SLC25A27: variants seen among roughly 807,000 people sequenced by gnomAD.
SLC25A27 encodes the protein solute carrier family 25 member 27, also known as mitochondrial uncoupling protein 4.
In SLC25A27, 35 loss-of-function variants were observed where a neutral mutation model predicts 49.1. The ratio of observed to expected loss-of-function variants is 0.71; its 90% CI spans 0.54 to 0.95. The LOEUF (loss-of-function observed/expected upper bound fraction) is 0.95, where lower values mean the gene tolerates loss of function less well. Among genes scored for constraint, SLC25A27 ranks in the 40% least tolerant of loss-of-function variants. The pLI, the probability that SLC25A27 is intolerant of heterozygous loss-of-function variation, is 0.00. For synonymous variants in SLC25A27, 144 were observed against 136.9 expected (o/e 1.05, Z -0.36); for missense variants, 339 against 397.1 (o/e 0.85, Z 1.24).
rs975474543 is a variant in SLC25A27, at chr6:46,670,393, A to G, written c.797+166A>G. 4 of 575,626 alleles carry G rather than the reference A, an allele frequency of 6.9e-6. No homozygotes were observed. The African/African-American group carries it at 7.7e-5, about 11-fold the overall frequency. The allele number at this position is 575,626 out of a possible 1,614,324, so 35.7% of individuals were successfully genotyped here. A position where few individuals can be genotyped will look rare whatever the true frequency, so the allele number is the denominator to read the frequency against. Reference sequence around the variant, plus strand: ...TTACCTGCTCTTTGATGAAAAAGTGACATGCATTTGGGGAGATAAGCTAAT... The same window carrying G: ...TTACCTGCTCTTTGATGAAAAAGTGGCATGCATTTGGGGAGATAAGCTAAT... On this transcript the variant is annotated intron_variant, in intron 7 of 8. Transcript: ENST00000371347.
Position 46,665,840 on chromosome 6 carries a change from G to A in SLC25A27, c.619+954G>A, listed in dbSNP as rs112681240. On this transcript the variant is annotated intron_variant, in intron 5 of 8. Coordinates refer to ENST00000371347, the MANE Select transcript of SLC25A27 (RefSeq NM_004277.5). ...CTCTTCCATCCTCAAATGTGTACCC[G>A]GTATCCAGAGTGATTTATTTGAAAC... Among the ~76,000 whole-genome samples, 458 of 152,134 alleles carry A rather than the reference G, an allele frequency of 3.0e-3. 1 individual carries two copies. Among genetic ancestry groups the A allele is most frequent in the African/African-American group, 0.01 (429 of 41,500 alleles).
At chr6:46,654,802 C>CT (rs1296533677) in intron 1 of SLC25A27, among the ~76,000 whole-genome samples, 5 of 152,218 alleles carry the variant, frequency 3.3e-5, no homozygotes, top group Non-Finnish European at 5.9e-5. Context: ...AAGATACTAA[C>CT]TTTTCCAAAA....
rs1030147918 is a variant in SLC25A27, at chr6:46,676,580, T to A, written c.*126T>A. ...CACCTATTCCACAGAGACTGATTTA[T>A]AGGGGGCAGCACTTTATTTTTTTCT... On this transcript the variant is annotated 3_prime_UTR_variant, in exon 9 of 9. Transcript: ENST00000371347. The A allele has an allele frequency of 6.4e-6, 10 of 1,574,302 alleles. No homozygotes were observed. The highest frequency in any genetic ancestry group is 1.9e-5 in the Admixed American group (1 of 54,004).
intron 6 of SLC25A27, among the ~76,000 whole-genome samples, chr6:46,669,642 G>A (rs1396546852): frequency 3.9e-5 from 6 of 152,162 alleles, no homozygotes; most frequent in East Asian, 3.9e-4. Context: ...TTACTGACTC[G>A]GCTTTTGCAT....
intron 5 of SLC25A27, 82 bp downstream of exon 5, chr6:46,664,968 A>T: frequency 1.6e-6 from 1 of 616,656 alleles, no homozygotes. Flanking sequence ...ATTAAAATTT[A>T]TGTTTTATTT....
intron 8 of SLC25A27, among the ~76,000 whole-genome samples, chr6:46,673,140 G>A (rs1320343619): frequency 6.6e-6 from 1 of 152,168 alleles, no homozygotes; most frequent in African/African-American, 2.4e-5. Flanking sequence ...ATGAGATGTA[G>A]AAGTTAAACA....
intron 5 of SLC25A27, among the ~76,000 whole-genome samples, 169 bp from the exon 6 acceptor site, chr6:46,668,540 C>T (rs1292135649): frequency 1.3e-5 from 2 of 152,188 alleles, no homozygotes; most frequent in Non-Finnish European, 2.9e-5. Context: ...CTTTCTGTCT[C>T]TTCTTCTTTT....
intron 1 of SLC25A27, chr6:46,654,209 G>T (rs1311425458): frequency 6.3e-6 from 5 of 796,270 alleles, no homozygotes; most frequent in African/African-American, 1.9e-5. Flanking sequence ...ACATTTTCTT[G>T]CCTGTTACAA....
At chr6:46,669,130 G>A (rs1157619913) in intron 6 of SLC25A27, among the ~76,000 whole-genome samples, 1 of 152,090 alleles carries the variant, frequency 6.6e-6, no homozygotes, top group African/African-American at 2.4e-5. Flanking sequence ...GCTCTGCAGT[G>A]GGCACCAAAG....
At chr6:46,658,475 TCTC>T (rs779942610) in intron 2 of SLC25A27, 1 of 444,262 alleles carries the variant, frequency 2.3e-6, no homozygotes. Flanking sequence ...TACAATAAAT[TCTC>T]CAATGAAATT....
At position 46,664,842 on chromosome 6, in the gene SLC25A27, G is replaced by C; in HGVS notation, c.575G>C (p.Gly192Ala). 1 of 1,607,892 alleles carries C rather than the reference G, an allele frequency of 6.2e-7. No homozygotes were observed. The highest frequency in any genetic ancestry group is 8.5e-7 in the Non-Finnish European group (1 of 1,176,660). The change falls in exon 5 of 9, where the codon GGC becomes GCC. Residue 192 changes from glycine (G) to alanine (A), a missense_variant. Physicochemically the swap from Gly to Ala is moderately conservative, Grantham distance 60. Transcript: ENST00000371347. ...GGAGGAATACGAGGGCTTTGGGCAG[G>C]CTGGGTACCCAATATACAAAGAGCA... ...AEGGIRGLWA[G>A]WVPNIQRAAL...
chr6:46,662,610 C>T, intron 4 of SLC25A27, 112 bp downstream of exon 4: 1 of 1,130,144 alleles, frequency 8.8e-7, no homozygotes, highest in Non-Finnish European at 1.3e-6. Flanking sequence ...TTACTTCTGA[C>T]TTTTTTAATC....
chr6:46,672,561 T>C (rs1444207583), intron 8 of SLC25A27, among the ~76,000 whole-genome samples: 3 of 151,924 alleles, frequency 2.0e-5, no homozygotes, highest in Non-Finnish European at 4.4e-5. Flanking sequence ...ACATGACTGA[T>C]TGGATGGGGA....
At chr6:46,669,801 C>A (rs1170440114) in intron 6 of SLC25A27, among the ~76,000 whole-genome samples, 1 of 152,126 alleles carries the variant, frequency 6.6e-6, no homozygotes, top group Non-Finnish European at 1.5e-5. Flanking sequence ...ATGTTTTTTT[C>A]ATAGCTTTTG....
At position 46,664,873 on chromosome 6, in the gene SLC25A27, G is replaced by A. The variant is rs1397811463; in HGVS notation, c.606G>A (p.Leu202=). ...GWVPNIQRAA[L]VNMGDLTTYD... is the part of the protein sequence containing the mutation. The stretch of plus-strand genomic sequence containing the variant: ...TACCCAATATACAAAGAGCAGCACT[G>A]GTGAATATGGGAGGTAATGAAAACT... Residue 202 remains leucine (L), a synonymous_variant, in exon 5 of 9, where the codon CTG becomes CTA. Transcript: ENST00000371347. 1.9e-6 allele frequency: 3 copies of A among 1,562,910 alleles called. No individual in the cohort carries two copies. The highest frequency in any genetic ancestry group is 2.6e-6 in the Non-Finnish European group (3 of 1,149,424).
intron 2 of SLC25A27, 147 bp from the exon 3 acceptor site, chr6:46,658,815 A>C: frequency 1.5e-6 from 1 of 671,620 alleles, no homozygotes; most frequent in Non-Finnish European, 2.7e-6. Flanking sequence ...CAAGAAGCCC[A>C]CGTGTTAGAA....
In SLC25A27 at chr6:46,662,410, A is replaced by G; in HGVS notation, c.418A>G (p.Ile140Val). The part of the protein sequence containing the change: ...SVIGGMMAGV[I>V]GQFLANPTDL... ...CATTGGAGGGATGATGGCTGGTGTTATTGGCCAGTTTTTAGCCAATCCAAC... is the reference window on the plus strand; with the variant it reads ...CATTGGAGGGATGATGGCTGGTGTTGTTGGCCAGTTTTTAGCCAATCCAAC... The change falls in exon 4 of 9, where the codon ATT becomes GTT. Residue 140 changes from isoleucine (I) to valine (V), a missense_variant. Coordinates refer to ENST00000371347, the MANE Select transcript of SLC25A27 (RefSeq NM_004277.5). 1 of 1,613,920 alleles carries G rather than the reference A, an allele frequency of 6.2e-7. No individual in the cohort carries two copies. Among genetic ancestry groups the G allele is most frequent in the Non-Finnish European group, 8.5e-7 (1 of 1,179,818 alleles).
chr6:46,653,113 C>T lies in SLC25A27; in HGVS notation c.-80C>T. 1 of 1,373,612 alleles carries T rather than the reference C, an allele frequency of 7.3e-7. No individual in the cohort carries two copies. The highest frequency in any genetic ancestry group is 1.2e-5 in the South Asian group (1 of 82,174). The allele number at this position is 1,373,612 out of a possible 1,614,324, so 85.1% of individuals were successfully genotyped here. On this transcript the variant is annotated 5_prime_UTR_variant, in exon 1 of 9. Coordinates refer to ENST00000371347, the MANE Select transcript of SLC25A27 (RefSeq NM_004277.5). The stretch of plus-strand genomic sequence containing the variant: ...CACTCGCCGGTTGAAAAGGGGCCGC[C>T]CTGGCAGGGAAGCGGCCGCCGCGGC...
chr6:46,653,431 G>A, intron 1 of SLC25A27, 133 bp downstream of exon 1: 1 of 1,432,708 alleles, frequency 7.0e-7, no homozygotes, highest in Non-Finnish European at 9.1e-7. Flanking sequence ...TGGCAGAGGT[G>A]GCGGTGGAGG....
Sources: gnomAD v4.1 joint callset for allele counts (sites outside exome capture counted in the v4.1 genomes callset) on GRCh38, gnomAD v4.1.1 for gene constraint, MANE v1.5 for transcripts, NCBI Gene and HGNC (gene_info 2026-07-23, HGNC 2026-07-21) for gene names.